PAXBP1: variants seen among roughly 807,000 people sequenced by gnomAD.
The protein encoded by PAXBP1 is PAX3 and PAX7 binding protein 1, also known as PAX3- and PAX7-binding protein 1.
In PAXBP1, 44 loss-of-function variants were observed where a neutral mutation model predicts 119.9. The observed-to-expected ratio is 0.37, with a 90% CI of 0.29 to 0.47. The LOEUF (loss-of-function observed/expected upper bound fraction) is 0.47. Among genes scored for constraint, PAXBP1 ranks in the 20% least tolerant of loss-of-function variants. PAXBP1 has a pLI of 0.99. For synonymous variants in PAXBP1, 393 were observed against 406.6 expected (o/e 0.97, Z 0.40); for missense variants, 898 against 1,134.1 (o/e 0.79, Z 2.99).
At position 32,771,390 on chromosome 21, in the gene PAXBP1, C is replaced by T. The variant is rs771826206; in HGVS notation, c.279G>A (p.Lys93=). ...GCACCTCTTTGTTCTCGCGAGGCCTCTTGCGCGGCTTCAGCCCGTTGCCGG... is the reference window on the plus strand; with the variant it reads ...GCACCTCTTTGTTCTCGCGAGGCCTTTTGCGCGGCTTCAGCCCGTTGCCGG... ...AEPGNGLKPR[K]RPRENKEVPR... is the part of the protein sequence containing the mutation. The change falls in exon 1 of 18, where the codon AAG becomes AAA. Residue 93 remains lysine (K), a synonymous_variant. Transcript: ENST00000331923. 6.3e-7 allele frequency: 1 copy of T among 1,576,698 alleles called. No individual in the cohort carries two copies. Among genetic ancestry groups the T allele is most frequent in the East Asian group, 2.4e-5 (1 of 40,972 alleles).
intron 7 of PAXBP1, among the ~76,000 whole-genome samples, chr21:32,757,639 T>C (rs569861421): frequency 6.6e-6 from 1 of 152,346 alleles, no homozygotes; most frequent in South Asian, 2.1e-4. Flanking sequence ...TTTAGAGTTG[T>C]GTTTGCAATT....
intron 11 of PAXBP1, among the ~76,000 whole-genome samples, chr21:32,746,605 G>A (rs1334130598): frequency 1.3e-5 from 2 of 152,172 alleles, no homozygotes; most frequent in African/African-American, 2.4e-5. Flanking sequence ...AGAAACAAAA[G>A]ATGCTGGTAA....
chr21:32,758,319 A>AT (rs144075519), intron 7 of PAXBP1, among the ~76,000 whole-genome samples: 1,502 of 147,374 alleles, frequency 0.01, 9 homozygotes, highest in Non-Finnish European at 0.016. Flanking sequence ...CACAGTTTTA[A>AT]TTTTTTTTTT....
In PAXBP1 at chr21:32,744,768, AG is replaced by A; in HGVS notation, c.2190+23del. The A allele has an allele frequency of 2.6e-6, 4 of 1,527,484 alleles. No individual in the cohort carries two copies. In the African/African-American group the frequency reaches 4.3e-5, roughly 16 times the overall value. The allele number at this position is 1,527,484 out of a possible 1,614,324, so 94.6% of individuals were successfully genotyped here. A position where few individuals can be genotyped will look rare whatever the true frequency, so the allele number is the denominator to read the frequency against. On this transcript the variant is annotated intron_variant, in intron 13 of 17. Coordinates refer to ENST00000331923, the MANE Select transcript of PAXBP1 (RefSeq NM_016631.4). ...TCAACAGAAAGAGGAAAAAAAAAAA[AG>A]GCTTCAAAAGATACTAAATTACCTG...
chr21:32,745,167 C>T (rs2043854640), intron 12 of PAXBP1, among the ~76,000 whole-genome samples: 1 of 152,138 alleles, frequency 6.6e-6, no homozygotes, highest in Non-Finnish European at 1.5e-5. Flanking sequence ...GAAATGTTGT[C>T]TTGGCATCAA....
intron 3 of PAXBP1, 50 bp from the exon 4 acceptor site, chr21:32,762,367 A>G (rs368607088): frequency 3.2e-6 from 5 of 1,549,282 alleles, no homozygotes; most frequent in Middle Eastern, 1.7e-4. Context: ...CAAAGTTTCT[A>G]TTTTCTTGAA....
At chr21:32,747,047 C>T (rs2043884026) in intron 11 of PAXBP1, among the ~76,000 whole-genome samples, 1 of 127,836 alleles carries the variant, frequency 7.8e-6, no homozygotes, top group Non-Finnish European at 1.5e-5. Flanking sequence ...TATATGGACA[C>T]ATACTGGGGA....
In PAXBP1 at chr21:32,759,859, C is replaced by G; in HGVS notation, c.1111G>C (p.Asp371His). The G allele has an allele frequency of 1.9e-6, 3 of 1,613,972 alleles. No individual in the cohort carries two copies. Among genetic ancestry groups the G allele is most frequent in the Non-Finnish European group, 2.5e-6 (3 of 1,179,884 alleles). Residue 371 changes from aspartate to histidine, a missense_variant, in exon 6 of 18, where the codon GAT (aspartate) becomes CAT (histidine). This residue lies in a region of PAXBP1 where 599 missense variants were observed against 852.7 expected (regional missense o/e 0.70). Coordinates refer to ENST00000331923, the MANE Select transcript of PAXBP1 (RefSeq NM_016631.4). ...GSSDAKSQKT[D>H]NTVPFKTPSN... is the part of the protein sequence containing the mutation. ...GGAGTTTTGAAAGGGACTGTATTATCTGTTTTTTGAGATTTGGCATCTGAT... is the reference window on the plus strand; with the variant it reads ...GGAGTTTTGAAAGGGACTGTATTATGTGTTTTTTGAGATTTGGCATCTGAT...
At chr21:32,746,521 T>C (rs542680549) in intron 11 of PAXBP1, among the ~76,000 whole-genome samples, 8 of 152,228 alleles carry the variant, frequency 5.3e-5, no homozygotes, top group South Asian at 2.1e-4. Context: ...TCACCGATGA[T>C]TGGAGAAATG....
rs191721461 is a variant in PAXBP1 at position 32,739,186 on chromosome 21, C to T, written c.2335-867G>A. Among the ~76,000 whole-genome samples, 174 of 152,330 alleles carry T rather than the reference C, an allele frequency of 1.1e-3. 1 individual carries two copies. Among genetic ancestry groups the T allele is most frequent in the African/African-American group, 4.0e-3 (166 of 41,578 alleles). ...TCCCAAGAATGATACATAGCTAGTA[C>T]TGTTACAGATGCAGGGGAAAAAGAA... On this transcript the variant is annotated intron_variant, in intron 15 of 17. Transcript: ENST00000331923.
chr21:32,746,403 A>G (rs768996122), intron 11 of PAXBP1, among the ~76,000 whole-genome samples: 33 of 152,122 alleles, frequency 2.2e-4, no homozygotes, highest in Non-Finnish European at 2.9e-5. Flanking sequence ...TCTACAGGAA[A>G]CTTTATAGGA....
At position 32,745,614 on chromosome 21, in the gene PAXBP1, T is replaced by C. The variant is rs781603686; in HGVS notation, c.2028A>G (p.Leu676=). ...GAATCACCTTTTCCACAATGGTAGG[T>C]AGTAGGGCAACATCTACATCATCTT... ...QEKDDVDVAL[L]PTIVEKVILP... Residue 676 remains leucine (L), a synonymous_variant, in exon 12 of 18, where the codon CTA becomes CTG. Transcript: ENST00000331923. 9 of 1,614,020 alleles carry C rather than the reference T, an allele frequency of 5.6e-6. No individual in the cohort carries two copies. The highest frequency in any genetic ancestry group is 1.6e-4 in the Middle Eastern group (1 of 6,062).
At position 32,738,248 on chromosome 21, in the gene PAXBP1, A is replaced by G. The variant is rs1346352093; in HGVS notation, c.2406T>C (p.Gly802=). The change falls in exon 16 of 18, where the codon GGT becomes GGC. Residue 802 remains glycine, a synonymous_variant. Coordinates refer to ENST00000331923, the MANE Select transcript of PAXBP1 (RefSeq NM_016631.4). ...CCATGAGAATATATCGATTTAATAAACCATCTATTGATAACTCTTGCAGAG... is the reference window on the plus strand; with the variant it reads ...CCATGAGAATATATCGATTTAATAAGCCATCTATTGATAACTCTTGCAGAG... The part of the protein sequence containing the change: ...NKTLQELSID[G]LLNRYILMAF... The G allele has an allele frequency of 6.2e-7, 1 of 1,604,072 alleles. No homozygotes were observed. The highest frequency in any genetic ancestry group is 1.3e-5 in the African/African-American group (1 of 74,404).
intron 16 of PAXBP1, among the ~76,000 whole-genome samples, chr21:32,737,735 T>C (rs1341927228): frequency 6.6e-6 from 1 of 152,194 alleles, no homozygotes; most frequent in Non-Finnish European, 1.5e-5. Context: ...TGAATTTCCT[T>C]TTCCAGCAGC....
At chr21:32,748,023 A>G (rs1387498029) in intron 11 of PAXBP1, among the ~76,000 whole-genome samples, 1 of 151,608 alleles carries the variant, frequency 6.6e-6, no homozygotes, top group Admixed American at 6.6e-5. Context: ...CTGAGCTCAA[A>G]CAATCCTCCC....
intron 11 of PAXBP1, 120 bp downstream of exon 11, chr21:32,748,379 T>C (rs1238058745): frequency 1.4e-5 from 11 of 774,682 alleles, no homozygotes; most frequent in South Asian, 4.0e-5. Flanking sequence ...CTATCAATTA[T>C]AGCCTATGCC....
At chr21:32,752,333 A>G (rs894562061) in intron 8 of PAXBP1, among the ~76,000 whole-genome samples, 1 of 151,994 alleles carries the variant, frequency 6.6e-6, no homozygotes, top group African/African-American at 2.4e-5. Flanking sequence ...TCTCTTGCCT[A>G]GGTAAAAGAA....
At chr21:32,751,424 A>C (rs2043957223) in intron 8 of PAXBP1, 1 of 475,288 alleles carries the variant, frequency 2.1e-6, no homozygotes, top group East Asian at 3.6e-5. Context: ...AAAATTAAAG[A>C]AGTGATTTCT....
intron 15 of PAXBP1, chr21:32,741,504 A>G: frequency 1.3e-6 from 1 of 775,998 alleles, no homozygotes; most frequent in Non-Finnish European, 2.4e-6. Context: ...GGTATGATCT[A>G]CTGCTCAAGA....
Sources: gnomAD v4.1 joint callset for allele counts (sites outside exome capture counted in the v4.1 genomes callset) on GRCh38, gnomAD v4.1.1 for gene constraint, gnomAD v4.1.1 regional missense constraint, MANE v1.5 for transcripts, NCBI Gene and HGNC (gene_info 2026-07-23, HGNC 2026-07-21) for gene names.